The following NOSTRIN variants were observed in gnomAD, a reference collection of about 807,000 sequenced individuals.
The protein encoded by NOSTRIN is nitric oxide synthase trafficking.
In NOSTRIN, 63 loss-of-function variants were observed where a neutral mutation model predicts 59.0. The observed-to-expected ratio is 1.07, with a 90% CI of 0.87 to 1.32. The LOEUF is 1.32. Ranked by LOEUF, NOSTRIN falls within the 40% of genes most tolerant of loss-of-function variation. The probability of loss-of-function intolerance (pLI) is 0.00; values close to 1 mark genes in which losing one functional copy is unlikely to be tolerated. For synonymous variants in NOSTRIN, 200 were observed against 165.4 expected (o/e 1.21, Z -1.61); for missense variants, 512 against 473.1 (o/e 1.08, Z -0.76).
upstream of NOSTRIN, among the ~76,000 whole-genome samples, chr2:168,793,861 C>T (rs3845727): frequency 0.68 from 102,968 of 152,028 alleles, 35,451 homozygotes; most frequent in East Asian, 0.97. Flanking sequence ...GTTTCTGTTA[C>T]GTAAACACAG....
chr2:168,826,965 G>T (rs758832682), intron 3 of NOSTRIN, among the ~76,000 whole-genome samples: 4 of 151,932 alleles, frequency 2.6e-5, no homozygotes, highest in Non-Finnish European at 4.4e-5. Flanking sequence ...TCCTGTAATT[G>T]TAAGTATATA....
At chr2:168,812,225 A>C (rs1406377488) in intron 2 of NOSTRIN, 1 of 152,034 alleles carries the variant, frequency 6.6e-6, no homozygotes, top group African/African-American at 2.4e-5. Context: ...AAATGAGAAA[A>C]CCCAAGGAGT....
chr2:168,806,888 C>G (rs1384360847), intron 1 of NOSTRIN, among the ~76,000 whole-genome samples: 1 of 152,144 alleles, frequency 6.6e-6, no homozygotes, highest in Non-Finnish European at 1.5e-5. Context: ...TTAATGACAT[C>G]AAGAAGCCAG....
At chr2:168,812,743 T>A (rs933616300) in intron 2 of NOSTRIN, among the ~76,000 whole-genome samples, 1 of 152,110 alleles carries the variant, frequency 6.6e-6, no homozygotes. Context: ...GGCACCACCA[T>A]CTCTGAGCAG....
intron 3 of NOSTRIN, among the ~76,000 whole-genome samples, chr2:168,825,244 C>A (rs1000826764): frequency 6.6e-6 from 1 of 152,192 alleles, no homozygotes; most frequent in Non-Finnish European, 1.5e-5. Flanking sequence ...GTCTTGTTAT[C>A]CCTGTTTACA....
chr2:168,789,246 G>C (rs953152263), intron 2 of NOSTRIN, among the ~76,000 whole-genome samples: 3 of 152,172 alleles, frequency 2.0e-5, no homozygotes, highest in African/African-American at 7.2e-5. Flanking sequence ...TAATAAGCTG[G>C]TGTATTAGTT....
At chr2:168,802,427 A>G (rs539884138), upstream of NOSTRIN, 3 of 519,682 alleles carry the variant, frequency 5.8e-6, no homozygotes, top group South Asian at 4.1e-5. Flanking sequence ...CATTCTCACT[A>G]TCTCACACTG....
In NOSTRIN at chr2:168,865,076, G is replaced by A; in HGVS notation, c.*106G>A. The A allele has an allele frequency of 2.4e-6, 3 of 1,247,008 alleles. No individual in the cohort carries two copies. The highest frequency in any genetic ancestry group is 3.3e-6 in the Non-Finnish European group (3 of 896,514). 77.2% of individuals were successfully genotyped at this position (1,247,008 alleles called of 1,614,324 possible). On this transcript the variant is annotated 3_prime_UTR_variant, in exon 16 of 16. Coordinates refer to ENST00000317647, the MANE Select transcript of NOSTRIN (RefSeq NM_001039724.4). ...CTTTACATGTTTTTCTTTTGAAATGGATGGAGTTCTACCTGCATGTCACAG... is the reference window on the plus strand; with the variant it reads ...CTTTACATGTTTTTCTTTTGAAATGAATGGAGTTCTACCTGCATGTCACAG...
At chr2:168,841,581 T>A (rs1368360973) in intron 7 of NOSTRIN, among the ~76,000 whole-genome samples, 1 of 152,222 alleles carries the variant, frequency 6.6e-6, no homozygotes, top group Admixed American at 6.5e-5. Context: ...ATTGGGCATG[T>A]ATCTCAGGCT....
Position 168,864,870 on chromosome 2 carries a change from G to A in NOSTRIN, c.1421G>A (p.Gly474Glu). ...ATTATACACGAGAAAAAAGAAGGAG[G>A]ATGGTGGTTTGGATCTTTGAATGGG... ...IVIIHEKKEG[G>E]WWFGSLNGKK... Residue 474 changes from glycine to glutamate, a missense_variant, in exon 16 of 16, where the codon GGA (glycine) becomes GAA (glutamate). Coordinates refer to ENST00000317647, the MANE Select transcript of NOSTRIN (RefSeq NM_001039724.4). The A allele has an allele frequency of 1.2e-6, 2 of 1,613,756 alleles. No individual in the cohort carries two copies. The highest frequency in any genetic ancestry group is 1.7e-6 in the Non-Finnish European group (2 of 1,179,816).
chr2:168,834,182 C>T (rs375049223), intron 6 of NOSTRIN, 45 bp from the exon 7 acceptor site: 1 of 843,700 alleles, frequency 1.2e-6, no homozygotes, highest in Non-Finnish European at 2.1e-6. Context: ...CTCTTGGCAT[C>T]AGCCTCTGCT....
At chr2:168,843,213 C>A in intron 8 of NOSTRIN, 96 bp downstream of exon 8, 2 of 723,674 alleles carry the variant, frequency 2.8e-6, no homozygotes, top group South Asian at 3.8e-5. Flanking sequence ...TGCCCTCTGT[C>A]TTAGCTATGA....
intron 1 of NOSTRIN, among the ~76,000 whole-genome samples, chr2:168,808,225 C>T (rs1685961220): frequency 6.6e-6 from 1 of 152,108 alleles, no homozygotes; most frequent in African/African-American, 2.4e-5. Flanking sequence ...CTCTACATGC[C>T]CCCATTCCAC....
chr2:168,865,157 GAGAC>G lies in NOSTRIN; in HGVS notation c.*193_*196del. On this transcript the variant is annotated 3_prime_UTR_variant, in exon 16 of 16. Transcript: ENST00000317647. ...CAGTCAGAAAAAAGATGGATGGGTG[GAGAC>G]AGACAAGGAAGAGGCTCCTTGGTTC... The G allele has an allele frequency of 7.8e-6, 5 of 645,074 alleles. No individual in the cohort carries two copies. Among genetic ancestry groups the G allele is most frequent in the Non-Finnish European group, 1.3e-5 (5 of 389,780 alleles). 40.0% of individuals were successfully genotyped at this position (645,074 alleles called of 1,614,324 possible).
chr2:168,845,026 T>G (rs1307486359), intron 8 of NOSTRIN, among the ~76,000 whole-genome samples: 2 of 152,080 alleles, frequency 1.3e-5, no homozygotes, highest in Non-Finnish European at 2.9e-5. Flanking sequence ...AGATGCAGAA[T>G]TAGAGAAGAA....
intron 6 of NOSTRIN, among the ~76,000 whole-genome samples, chr2:168,833,725 C>T (rs1332511937): frequency 6.6e-6 from 1 of 152,194 alleles, no homozygotes; most frequent in East Asian, 1.9e-4. Context: ...TCACAAGATG[C>T]CAGACAAATG....
intron 9 of NOSTRIN, 41 bp downstream of exon 9, chr2:168,851,223 A>T (rs754754333): frequency 1.2e-6 from 2 of 1,614,086 alleles, no homozygotes; most frequent in Non-Finnish European, 1.7e-6. Flanking sequence ...ATGCCTGGTA[A>T]GAAGGGGCAG....
chr2:168,851,438 A>C (rs1688764739), intron 10 of NOSTRIN, 34 bp downstream of exon 10: 2 of 1,581,882 alleles, frequency 1.3e-6, no homozygotes, highest in East Asian at 4.5e-5. Context: ...AGTTACATTA[A>C]TGGAGAATCT....
intron 1 of NOSTRIN, among the ~76,000 whole-genome samples, chr2:168,810,938 C>G (rs1420291890): frequency 6.6e-6 from 1 of 152,096 alleles, no homozygotes; most frequent in Non-Finnish European, 1.5e-5. Context: ...TGGAAATTCT[C>G]GTGTCCGCAG....
Sources: gnomAD v4.1 joint callset for allele counts (sites outside exome capture counted in the v4.1 genomes callset) on GRCh38, gnomAD v4.1.1 for gene constraint, MANE v1.5 for transcripts, NCBI Gene and HGNC (gene_info 2026-07-23, HGNC 2026-07-21) for gene names.